Variants in ANO4 observed in about 807,000 individuals in gnomAD.
The protein encoded by ANO4 is anoctamin 4, also known as anoctamin-4.
In ANO4, 69 loss-of-function variants were observed where a neutral mutation model predicts 141.9. The observed-to-expected ratio is 0.49, with a 90% CI of 0.40 to 0.59. The LOEUF is 0.59. Ranked by LOEUF, ANO4 falls within the 20% of genes least tolerant of loss-of-function variation. The pLI, the probability that ANO4 is intolerant of heterozygous loss-of-function variation, is 0.00. For missense variants in ANO4, 894 were observed against 1,162.2 expected (o/e 0.77, Z 3.36); for synonymous variants, 350 against 394.3 (o/e 0.89, Z 1.33).
chr12:100,785,855 C>A (rs920463167), intron 3 of ANO4, among the ~76,000 whole-genome samples: 1 of 152,064 alleles, frequency 6.6e-6, no homozygotes, highest in Non-Finnish European at 1.5e-5. Context: ...ATTTTGCATT[C>A]CTTCCAGCAA....
At chr12:100,901,109 T>A in intron 1 of ANO4, among the ~76,000 whole-genome samples, 1 of 151,932 alleles carries the variant, frequency 6.6e-6, no homozygotes, top group Middle Eastern at 3.2e-3. Context: ...ACAAAGGGAG[T>A]GGGATCGATG....
chr12:100,905,919 C>G (rs901948956), intron 2 of ANO4, among the ~76,000 whole-genome samples: 1 of 151,994 alleles, frequency 6.6e-6, no homozygotes, highest in Admixed American at 6.6e-5. Flanking sequence ...CTAATAAGTT[C>G]TTTTCCTATG....
At chr12:101,087,426 G>A (rs2049551955) in intron 17 of ANO4, among the ~76,000 whole-genome samples, 1 of 152,050 alleles carries the variant, frequency 6.6e-6, no homozygotes, top group Admixed American at 6.6e-5. Context: ...GTGGGGCTGA[G>A]GTGGGAAGGT....
intron 1 of ANO4, among the ~76,000 whole-genome samples, chr12:100,848,705 G>A (rs1355748452): frequency 6.6e-6 from 1 of 152,092 alleles, no homozygotes; most frequent in African/African-American, 2.4e-5. Flanking sequence ...ACTGAGCCAT[G>A]GTAACTACCT....
intron 1 of ANO4, among the ~76,000 whole-genome samples, chr12:100,872,052 T>C (rs1593585990): frequency 1.3e-5 from 2 of 152,332 alleles, no homozygotes; most frequent in African/African-American, 4.8e-5. Context: ...TTACTGAATT[T>C]ATGTTGTATC....
chr12:100,842,954 C>A (rs2037360331), intron 1 of ANO4, among the ~76,000 whole-genome samples: 1 of 152,132 alleles, frequency 6.6e-6, no homozygotes, highest in Non-Finnish European at 1.5e-5. Flanking sequence ...TGTCTTAGTT[C>A]ATCCTTTCTC....
At chr12:100,927,703 G>C (rs904362533) in intron 3 of ANO4, among the ~76,000 whole-genome samples, 1 of 152,004 alleles carries the variant, frequency 6.6e-6, no homozygotes, top group African/African-American at 2.4e-5. Flanking sequence ...TCAATGTCCA[G>C]CCCTTTTTAG....
intron 3 of ANO4, among the ~76,000 whole-genome samples, chr12:100,743,349 A>C (rs933547147): frequency 2.0e-5 from 3 of 151,758 alleles, no homozygotes; most frequent in Admixed American, 6.6e-5. Context: ...AATTAAAAGA[A>C]GGTAAATTTG....
intron 1 of ANO4, among the ~76,000 whole-genome samples, chr12:100,802,073 T>C (rs146671600): frequency 7.0e-4 from 107 of 152,218 alleles, no homozygotes; most frequent in African/African-American, 2.5e-3. Context: ...AGCCGGGAAG[T>C]CTAACTTAAA....
chr12:100,889,338 C>T (rs1182114176), intron 1 of ANO4, among the ~76,000 whole-genome samples: 1 of 152,036 alleles, frequency 6.6e-6, no homozygotes, highest in Non-Finnish European at 1.5e-5. Context: ...CCGCAGTAAA[C>T]ATATGTGTGC....
intron 24 of ANO4, among the ~76,000 whole-genome samples, chr12:101,113,120 A>G (rs190393502): frequency 1.5e-3 from 223 of 152,312 alleles, no homozygotes; most frequent in African/African-American, 5.1e-3. Context: ...GTCCAGAATC[A>G]CAAGGCATAG....
chr12:100,750,546 A>G (rs572224825), intron 3 of ANO4, among the ~76,000 whole-genome samples: 8 of 152,256 alleles, frequency 5.3e-5, no homozygotes, highest in African/African-American at 1.9e-4. Context: ...ATTATACCAA[A>G]TAATTTGTGG....
chr12:100,959,605 A>T (rs941355922), intron 5 of ANO4, among the ~76,000 whole-genome samples: 2 of 152,166 alleles, frequency 1.3e-5, no homozygotes, highest in African/African-American at 2.4e-5. Flanking sequence ...TCCAGCAGTC[A>T]TGCCGTCTCT....
intron 14 of ANO4, among the ~76,000 whole-genome samples, chr12:101,050,240 G>A: frequency 6.6e-6 from 1 of 152,138 alleles, no homozygotes; most frequent in Non-Finnish European, 1.5e-5. Context: ...TGTTACTAGT[G>A]GAGTGTCAGG....
intron 2 of ANO4, among the ~76,000 whole-genome samples, chr12:100,919,726 G>GTATA (rs2041531645): frequency 1.5e-5 from 2 of 132,098 alleles, no homozygotes; most frequent in Non-Finnish European, 3.2e-5. Context: ...GTATGTATGT[G>GTATA]TGTATGTATG....
At chr12:100,729,390 A>G (rs953601914) in intron 1 of ANO4, among the ~76,000 whole-genome samples, 3 of 145,922 alleles carry the variant, frequency 2.1e-5, no homozygotes, top group Non-Finnish European at 4.5e-5. Context: ...AAAAAAAAAA[A>G]GGTAACACTA....
At chr12:100,797,645 A>G (rs2034416413) in intron 1 of ANO4, among the ~76,000 whole-genome samples, 1 of 151,360 alleles carries the variant, frequency 6.6e-6, no homozygotes, top group Non-Finnish European at 1.5e-5. Context: ...TGATGCAGTT[A>G]TTCTTTTTTT....
chr12:101,079,328 A>C, intron 15 of ANO4, 53 bp downstream of exon 15: 24 of 1,428,030 alleles, frequency 1.7e-5, no homozygotes, highest in Non-Finnish European at 2.1e-5. Flanking sequence ...CCAGAACCAC[A>C]CGACCCCCCC....
At chr12:100,871,193 G>A (rs952079473) in intron 1 of ANO4, among the ~76,000 whole-genome samples, 2 of 152,092 alleles carry the variant, frequency 1.3e-5, no homozygotes, top group Admixed American at 6.6e-5. Flanking sequence ...CATTTATCAT[G>A]TCTGTTTTAC....
Sources: gnomAD v4.1 joint callset for allele counts (sites outside exome capture counted in the v4.1 genomes callset) on GRCh38, gnomAD v4.1.1 for gene constraint, MANE v1.5 for transcripts, NCBI Gene and HGNC (gene_info 2026-07-23, HGNC 2026-07-21) for gene names.